Variants in CCDC12 observed in about 807,000 individuals in gnomAD.
CCDC12 encodes coiled-coil domain-containing protein 12.
Under a neutral mutation model 25.7 loss-of-function variants are expected in CCDC12, and 28 were observed. That is an observed-to-expected ratio of 1.09 (90% CI 0.81 to 1.50). The LOEUF (loss-of-function observed/expected upper bound fraction) is 1.50, where lower values mean the gene tolerates loss of function less well. CCDC12 is among the 40% of genes most tolerant of loss of function. The pLI is 0.00. For synonymous variants in CCDC12, 75 were observed against 87.7 expected, an observed-to-expected ratio of 0.86 and a Z score of 0.81; for missense variants, 198 against 210.0, an observed-to-expected ratio of 0.94 and a Z score of 0.35.
chr3:46,923,326 C>A lies in CCDC12; in HGVS notation c.341+3G>T. ...GCACCCGCCACGCACGGGCAACACT[C>A]ACCAGTCAGGCTTCCGAGGAGCGAG... On this transcript the variant is annotated splice_donor_region_variant and intron_variant, in intron 5 of 6. Coordinates refer to ENST00000683445, the MANE Select transcript of CCDC12 (RefSeq NM_001277074.2). 6.7e-7 allele frequency: 1 copy of A among 1,489,354 alleles called. No individual in the cohort carries two copies. The highest frequency in any genetic ancestry group is 8.9e-7 in the Non-Finnish European group (1 of 1,118,700). 92.3% of individuals were successfully genotyped at this position (1,489,354 alleles called of 1,614,324 possible).
intron 1 of CCDC12, among the ~76,000 whole-genome samples, chr3:46,973,343 A>C (rs1369639394): frequency 7.2e-6 from 1 of 139,124 alleles, no homozygotes; most frequent in Admixed American, 7.4e-5. Context: ...ACAAGAGCGA[A>C]GCTCCATCTC....
At chr3:46,945,820 G>T (rs1033190108) in intron 1 of CCDC12, among the ~76,000 whole-genome samples, 13 of 152,208 alleles carry the variant, frequency 8.5e-5, no homozygotes, top group Admixed American at 7.2e-4. Context: ...ATAGCCTAAT[G>T]TCTGTAAGAT....
intron 1 of CCDC12, among the ~76,000 whole-genome samples, chr3:46,953,132 C>T (rs1161569208): frequency 6.6e-6 from 1 of 152,000 alleles, no homozygotes; most frequent in Admixed American, 6.6e-5. Context: ...GAACTCCAGT[C>T]CCAAAAGACA....
At chr3:46,925,344 G>C (rs746355840) in intron 3 of CCDC12, 112 bp downstream of exon 3, 1 of 899,418 alleles carries the variant, frequency 1.1e-6, no homozygotes, top group South Asian at 1.4e-5. Context: ...CCTGCCTGCA[G>C]GCCCAACTCC....
At chr3:46,929,993 T>C (rs1022083804) in intron 2 of CCDC12, among the ~76,000 whole-genome samples, 7 of 125,384 alleles carry the variant, frequency 5.6e-5, no homozygotes, top group Admixed American at 1.0e-4. Flanking sequence ...ATGGTGCCAC[T>C]GCACTCCAGC....
intron 2 of CCDC12, among the ~76,000 whole-genome samples, chr3:46,936,718 A>T (rs2033455972): frequency 6.6e-6 from 1 of 152,200 alleles, no homozygotes; most frequent in Non-Finnish European, 1.5e-5. Context: ...TCCCTAAATT[A>T]AAGCAGAAAA....
intron 1 of CCDC12, among the ~76,000 whole-genome samples, chr3:46,950,906 A>G (rs965544144): frequency 7.2e-5 from 11 of 152,320 alleles, no homozygotes; most frequent in Middle Eastern, 3.4e-3. Context: ...CAGGCTCAGA[A>G]AGACAAATAC....
chr3:46,962,434 C>CAAAAAAAA (rs33969115), intron 1 of CCDC12, among the ~76,000 whole-genome samples: 1 of 63,180 alleles, frequency 1.6e-5, no homozygotes, highest in Non-Finnish European at 2.8e-5. Flanking sequence ...AACTCTATCT[C>CAAAAAAAA]AAAAAAAAAA....
At chr3:46,958,117 A>G (rs2034355636) in intron 1 of CCDC12, among the ~76,000 whole-genome samples, 1 of 152,144 alleles carries the variant, frequency 6.6e-6, no homozygotes, top group Non-Finnish European at 1.5e-5. Flanking sequence ...ATAACGAAGA[A>G]TTCTTAACAG....
At chr3:46,980,391 A>T (rs567293975), upstream of CCDC12, among the ~76,000 whole-genome samples, 1 of 152,070 alleles carries the variant, frequency 6.6e-6, no homozygotes, top group African/African-American at 2.4e-5. Context: ...CAAGGTAGGG[A>T]GGTGTGTGGA....
intron 1 of CCDC12, among the ~76,000 whole-genome samples, chr3:46,966,782 C>A (rs1398394197): frequency 6.6e-6 from 1 of 152,116 alleles, no homozygotes; most frequent in African/African-American, 2.4e-5. Flanking sequence ...GCATGCTGCA[C>A]CTCAACCCAG....
intron 2 of CCDC12, among the ~76,000 whole-genome samples, chr3:46,937,333 T>C (rs754662592): frequency 3.9e-5 from 6 of 152,196 alleles, no homozygotes; most frequent in Non-Finnish European, 8.8e-5. Context: ...TAAGGCCTTG[T>C]CCCACTGAAG....
intron 2 of CCDC12, among the ~76,000 whole-genome samples, chr3:46,938,049 AAG>A (rs777631740): frequency 2.6e-5 from 4 of 152,230 alleles, no homozygotes; most frequent in Non-Finnish European, 5.9e-5. Flanking sequence ...CCCAAAAGCC[AAG>A]CTCTCAACGA....
intron 2 of CCDC12, among the ~76,000 whole-genome samples, chr3:46,930,031 CAAAAAAA>C (rs145507739): frequency 1.8e-4 from 7 of 39,876 alleles, no homozygotes; most frequent in Non-Finnish European, 2.8e-4. Flanking sequence ...GACCCCATCT[CAAAAAAA>C]AAAAAAAAAA....
intron 1 of CCDC12, among the ~76,000 whole-genome samples, chr3:46,954,149 A>C (rs1453077365): frequency 6.6e-6 from 1 of 152,188 alleles, no homozygotes; most frequent in East Asian, 1.9e-4. Context: ...CCACCTGGTC[A>C]GTTCCAGGGA....
At chr3:46,924,677 G>A (rs2107102058) in intron 3 of CCDC12, among the ~76,000 whole-genome samples, 1 of 152,214 alleles carries the variant, frequency 6.6e-6, no homozygotes, top group South Asian at 2.1e-4. Context: ...GTGAAACCCT[G>A]TCTCTACTAA....
rs115735359 is a variant in CCDC12, at chr3:46,934,895, C to T, written c.164+6103G>A. On this transcript the variant is annotated intron_variant, in intron 2 of 6. Transcript: ENST00000683445. ...GGAGCCGCCCTGGTCGGTACCACTA[C>T]GGTGGAACAATGCATGCCAAATCAA... Among the ~76,000 whole-genome samples the T allele has an allele frequency of 2.7e-3, 409 of 152,326 alleles. 2 individuals are homozygous for T. Among genetic ancestry groups the T allele is most frequent in the African/African-American group, 9.0e-3 (375 of 41,568 alleles).
In CCDC12 at chr3:46,957,494, C is replaced by T. The variant is rs148141991; in HGVS notation, c.97-16429G>A. On this transcript the variant is annotated intron_variant, in intron 1 of 6. Transcript: ENST00000683445. ...CAAGCACTTTGTATTCTTCTACAAT[C>T]AGCCAGAATGGATTTCTGTTGTTTG... Among the ~76,000 whole-genome samples the T allele has an allele frequency of 2.2e-4, 34 of 152,222 alleles. No individual in the cohort carries two copies. The East Asian group carries it at 6.6e-3, about 29-fold the overall frequency.
At chr3:46,956,715 G>C (rs1014567335) in intron 1 of CCDC12, among the ~76,000 whole-genome samples, 8 of 151,444 alleles carry the variant, frequency 5.3e-5, no homozygotes, top group African/African-American at 1.9e-4. Context: ...CAGCTACTTG[G>C]GGGGCTGAGG....
Sources: allele counts gnomAD v4.1 joint callset (sites outside exome capture counted in the v4.1 genomes callset), GRCh38; gene constraint gnomAD v4.1.1; transcripts MANE v1.5; gene names NCBI Gene and HGNC (gene_info 2026-07-23, HGNC 2026-07-21).